RERG: variants seen among roughly 807,000 people sequenced by gnomAD.
The protein encoded by RERG is ras-related and estrogen-regulated growth inhibitor.
RERG carries 25 observed loss-of-function variants against 23.2 expected under a neutral mutation model. That is an observed-to-expected ratio of 1.08 (90% CI 0.79 to 1.50). The LOEUF is 1.50. RERG is among the 40% of genes most tolerant of loss of function. The pLI, the probability that RERG is intolerant of heterozygous loss-of-function variation, is 0.00. For missense variants in RERG, 253 were observed against 250.1 expected, an observed-to-expected ratio of 1.01 and a Z score of -0.08; for synonymous variants, 81 against 89.1, an observed-to-expected ratio of 0.91 and a Z score of 0.51.
At chr12:15,161,143 A>AAAGG (rs1491522520) in intron 2 of RERG, among the ~76,000 whole-genome samples, 1 of 57,922 alleles carries the variant, frequency 1.7e-5, no homozygotes, top group Non-Finnish European at 3.5e-5. Flanking sequence ...TCAGAAAAAG[A>AAAGG]AAGAAAGAAA....
At chr12:15,127,918 T>C (rs1863975895) in intron 2 of RERG, among the ~76,000 whole-genome samples, 1 of 152,196 alleles carries the variant, frequency 6.6e-6, no homozygotes. Flanking sequence ...GAAATTAATG[T>C]TCCCACTATA....
intron 2 of RERG, among the ~76,000 whole-genome samples, chr12:15,170,722 C>T (rs1373570090): frequency 6.6e-6 from 1 of 152,198 alleles, no homozygotes; most frequent in African/African-American, 2.4e-5. Flanking sequence ...ATGGCATTTC[C>T]AGTTTTCACA....
chr12:15,111,519 T>G (rs1863617108), intron 3 of RERG, 102 bp from the exon 4 acceptor site: 2 of 874,120 alleles, frequency 2.3e-6, no homozygotes, highest in Non-Finnish European at 3.7e-6. Flanking sequence ...ATTCCTGATT[T>G]TACAGCATAA....
intron 3 of RERG, among the ~76,000 whole-genome samples, chr12:15,120,442 C>G (rs993153502): frequency 6.6e-6 from 1 of 151,506 alleles, no homozygotes; most frequent in African/African-American, 2.4e-5. Context: ...AAGTCTTTAT[C>G]CCTTTTAAAC....
intron 2 of RERG, among the ~76,000 whole-genome samples, chr12:15,207,894 C>G (rs1011474768): frequency 4.6e-5 from 7 of 151,986 alleles, no homozygotes; most frequent in African/African-American, 1.7e-4. Flanking sequence ...ACCTTTGGTT[C>G]CAAAGAAGGA....
chr12:15,166,922 A>T (rs1255680248), intron 2 of RERG, among the ~76,000 whole-genome samples: 1 of 151,858 alleles, frequency 6.6e-6, no homozygotes, highest in Non-Finnish European at 1.5e-5. Flanking sequence ...ACATATGTAT[A>T]CATGTGCCAT....
At chr12:15,111,068 G>A in intron 4 of RERG, 1 of 263,890 alleles carries the variant, frequency 3.8e-6, no homozygotes, top group Admixed American at 5.2e-5. Context: ...TTAATATCTT[G>A]CTATGCCACA....
chr12:15,182,749 A>T (rs970470140), intron 2 of RERG, among the ~76,000 whole-genome samples: 1 of 152,134 alleles, frequency 6.6e-6, no homozygotes, highest in African/African-American at 2.4e-5. Context: ...CTCCCTGATG[A>T]TCTCAAAATA....
chr12:15,184,543 A>G (rs941233663), intron 2 of RERG, among the ~76,000 whole-genome samples: 1 of 152,176 alleles, frequency 6.6e-6, no homozygotes, highest in Admixed American at 6.5e-5. Flanking sequence ...ACACTACATG[A>G]TCAGGATGGG....
intron 2 of RERG, among the ~76,000 whole-genome samples, chr12:15,190,614 A>T (rs1865057123): frequency 6.6e-6 from 1 of 152,184 alleles, no homozygotes. Context: ...TATACAGGTT[A>T]AGTAGCTGAA....
At chr12:15,174,007 C>G in intron 2 of RERG, among the ~76,000 whole-genome samples, 1 of 152,008 alleles carries the variant, frequency 6.6e-6, no homozygotes, top group Admixed American at 6.6e-5. Context: ...TACTAATGCT[C>G]TTTATTTATT....
chr12:15,111,524 G>T, intron 3 of RERG, 107 bp from the exon 4 acceptor site: 1 of 832,204 alleles, frequency 1.2e-6, no homozygotes, highest in Non-Finnish European at 2.0e-6. Context: ...TGATTTTACA[G>T]CATAAGGAAC....
In RERG at chr12:15,108,878, G is replaced by A. The variant is rs1003708151; in HGVS notation, c.*232C>T. 1.4e-5 allele frequency: 6 copies of A among 424,130 alleles called. No individual in the cohort carries two copies. The highest frequency in any genetic ancestry group is 1.0e-4 in the African/African-American group (5 of 49,122). The allele number at this position is 424,130 out of a possible 1,614,324, so 26.3% of individuals were successfully genotyped here. A position where few individuals can be genotyped will look rare whatever the true frequency, so the allele number is the denominator to read the frequency against. On this transcript the variant is annotated 3_prime_UTR_variant, in exon 5 of 5. Coordinates refer to ENST00000256953, the MANE Select transcript of RERG (RefSeq NM_032918.3). ...ATTTCAGAATCTCTGGTGATTACAT[G>A]TTCAAATGCCATTAGAGTGTATCTT...
chr12:15,170,824 T>G (rs1334266039), intron 2 of RERG, among the ~76,000 whole-genome samples: 10 of 152,216 alleles, frequency 6.6e-5, no homozygotes. Context: ...TTTAAAAGTC[T>G]AAATCACTTT....
At chr12:15,149,101 C>T (rs1864393314) in intron 2 of RERG, among the ~76,000 whole-genome samples, 1 of 151,710 alleles carries the variant, frequency 6.6e-6, no homozygotes, top group African/African-American at 2.4e-5. Context: ...AATCTCCTGA[C>T]CTCGTAATCC....
chr12:15,175,415 G>C (rs1268454543), intron 2 of RERG, among the ~76,000 whole-genome samples: 3 of 145,692 alleles, frequency 2.1e-5, no homozygotes, highest in Non-Finnish European at 4.5e-5. Flanking sequence ...TGTTCAGGCA[G>C]CCAGTTTACA....
chr12:15,197,643 T>C (rs932158429), intron 2 of RERG, among the ~76,000 whole-genome samples: 2 of 152,200 alleles, frequency 1.3e-5, no homozygotes, highest in Non-Finnish European at 2.9e-5. Context: ...GTGCCTGATA[T>C]TGTATAAAGT....
intron 2 of RERG, among the ~76,000 whole-genome samples, chr12:15,198,222 T>G (rs914006741): frequency 6.6e-6 from 1 of 152,114 alleles, no homozygotes; most frequent in African/African-American, 2.4e-5. Context: ...CTCTGTTTTG[T>G]GTACCGCTCT....
At chr12:15,195,550 G>GCT (rs1381341202) in intron 2 of RERG, among the ~76,000 whole-genome samples, 3 of 113,684 alleles carry the variant, frequency 2.6e-5, no homozygotes, top group Non-Finnish European at 5.3e-5. Flanking sequence ...AGCAAGCTTG[G>GCT]CTGTGTGTGT....
Sources: gnomAD v4.1 joint callset for allele counts (sites outside exome capture counted in the v4.1 genomes callset) on GRCh38, gnomAD v4.1.1 for gene constraint, MANE v1.5 for transcripts, NCBI Gene and HGNC (gene_info 2026-07-23, HGNC 2026-07-21) for gene names.